GLB1: variants seen among roughly 807,000 people sequenced by gnomAD.
GLB1 encodes the protein beta-galactosidase.
A neutral mutation model predicts 74.0 loss-of-function variants in GLB1; 56 were observed. The ratio of observed to expected loss-of-function variants is 0.76; its 90% CI spans 0.61 to 0.94. GLB1 has a LOEUF of 0.94. Among genes scored for constraint, GLB1 ranks in the 40% least tolerant of loss-of-function variants. GLB1 has a pLI of 0.00. For synonymous variants in GLB1, 323 were observed against 323.6 expected (o/e 1.00, Z 0.02); for missense variants, 787 against 845.5 (o/e 0.93, Z 0.86).
intron 10 of GLB1, among the ~76,000 whole-genome samples, chr3:33,039,289 C>CA (rs35066652): frequency 0.015 from 1,355 of 93,024 alleles, 25 homozygotes; most frequent in African/African-American, 0.044. Flanking sequence ...GACTCTGTCT[C>CA]AAAAAAAAAA....
chr3:32,992,300 G>A (rs1005088266), downstream of GLB1, among the ~76,000 whole-genome samples: 2 of 152,206 alleles, frequency 1.3e-5, no homozygotes, highest in African/African-American at 2.4e-5. Context: ...CCTCAGCCAA[G>A]CACAGTGGCT....
Position 33,033,807 on chromosome 3 carries a change from G to C in GLB1, c.1069-9482C>G, listed in dbSNP as rs947894025. Reference sequence around the variant, plus strand: ...AAAAAAAAAAAAAAAAGGTGGTAAGGAATGGGGAGGCACCACCAGGAGCTG... The same window carrying C: ...AAAAAAAAAAAAAAAAGGTGGTAAGCAATGGGGAGGCACCACCAGGAGCTG... On this transcript the variant is annotated intron_variant, in intron 10 of 15. Transcript: ENST00000307363. The C allele has an allele frequency of 4.5e-4, 139 of 310,506 alleles. 1 individual carries two copies. Among genetic ancestry groups the C allele is most frequent in the Admixed American group, 8.3e-4 (19 of 22,970 alleles). 19.2% of individuals were successfully genotyped at this position (310,506 alleles called of 1,614,324 possible).
chr3:33,082,550 T>C (rs1700360733), intron 1 of GLB1, among the ~76,000 whole-genome samples: 2 of 152,198 alleles, frequency 1.3e-5, no homozygotes, highest in African/African-American at 2.4e-5. Flanking sequence ...TACATGATGG[T>C]GGCCACTTAA....
chr3:33,063,426 G>A (rs925816894), intron 5 of GLB1, among the ~76,000 whole-genome samples: 12 of 150,190 alleles, frequency 8.0e-5, no homozygotes, highest in Non-Finnish European at 1.5e-4. Flanking sequence ...GAGATGGGAA[G>A]GGGAGAGGAG....
rs576990249 is a variant in GLB1, at chr3:33,022,739, T to C, written c.1144-1084A>G. Among the ~76,000 whole-genome samples the C allele has an allele frequency of 1.1e-3, 163 of 151,850 alleles. 1 individual carries two copies. Among genetic ancestry groups the C allele is most frequent in the Non-Finnish European group, 2.0e-3 (139 of 67,900 alleles). On this transcript the variant is annotated intron_variant, in intron 11 of 15. Transcript: ENST00000307363. ...CATGCCTGGCTAATTTTTGTATTTT[T>C]AGTAGAGACGGGGTTTCACCATGTT... is the stretch of plus-strand genomic sequence containing the variant.
At chr3:32,970,892 A>C in the GLB1 span, among the ~76,000 whole-genome samples, 1 of 152,246 alleles carries the variant, frequency 6.6e-6, no homozygotes, top group East Asian at 1.9e-4. Context: ...AGAGAAAAAG[A>C]AAGAGAGCTT....
intron 10 of GLB1, chr3:33,030,435 C>T: frequency 1.1e-6 from 1 of 921,828 alleles, no homozygotes. Flanking sequence ...GACTATTTAA[C>T]AGTTGCTAAG....
chr3:33,009,651 T>G (rs1262568139), intron 15 of GLB1, among the ~76,000 whole-genome samples: 1 of 152,218 alleles, frequency 6.6e-6, no homozygotes, highest in Non-Finnish European at 1.5e-5. Context: ...TATATGCCTG[T>G]GCTGGGCCAT....
rs767436764 is a variant in GLB1 at position 32,997,251 on chromosome 3, T to TC, written c.1827dup (p.Thr610AspfsTer20). ...ACGGTGATGGTGTTTGGGGCCGAGG[T>TC]CATCAGGATGTGCTGGGGCACAAAC... is the stretch of plus-strand genomic sequence containing the variant. On this transcript the variant is annotated frameshift_variant, in exon 16 of 16. Transcript: ENST00000307363. LOFTEE classifies it low-confidence loss of function (END_TRUNC). The TC allele has an allele frequency of 6.2e-7, 1 of 1,614,056 alleles. No homozygotes were observed. The highest frequency in any genetic ancestry group is 1.1e-5 in the South Asian group (1 of 91,078).
At chr3:32,978,377 A>C in the GLB1 span, among the ~76,000 whole-genome samples, 1 of 94,062 alleles carries the variant, frequency 1.1e-5, no homozygotes, top group Admixed American at 1.3e-4. Flanking sequence ...AACAGCATCA[A>C]AATTAAAAAA....
At chr3:33,059,775 T>C (rs1699370009) in intron 5 of GLB1, among the ~76,000 whole-genome samples, 1 of 152,216 alleles carries the variant, frequency 6.6e-6, no homozygotes, top group Non-Finnish European at 1.5e-5. Flanking sequence ...ATACTGCGCA[T>C]TTACGTATGT....
At chr3:33,019,300 G>C (rs1697373575) in intron 12 of GLB1, among the ~76,000 whole-genome samples, 1 of 152,184 alleles carries the variant, frequency 6.6e-6, no homozygotes, top group South Asian at 2.1e-4. Context: ...CAAACAATCA[G>C]CCTCAGCAGT....
chr3:32,996,893 G>T lies in GLB1; in HGVS notation c.*152C>A. On this transcript the variant is annotated 3_prime_UTR_variant, in exon 16 of 16. Transcript: ENST00000307363. Reference sequence around the variant, plus strand: ...GGTGGTCCCTGAAGGTGGGGCTTTGGCACTGCAGGGATGCAGGGAAACCTC... The same window carrying T: ...GGTGGTCCCTGAAGGTGGGGCTTTGTCACTGCAGGGATGCAGGGAAACCTC... The T allele has an allele frequency of 7.0e-7, 1 of 1,424,004 alleles. No individual in the cohort carries two copies. The highest frequency in any genetic ancestry group is 9.6e-7 in the Non-Finnish European group (1 of 1,040,716). The allele number at this position is 1,424,004 out of a possible 1,614,324, so 88.2% of individuals were successfully genotyped here.
At chr3:32,999,117 G>A (rs954213198) in intron 15 of GLB1, among the ~76,000 whole-genome samples, 6 of 152,172 alleles carry the variant, frequency 3.9e-5, no homozygotes, top group African/African-American at 9.7e-5. Flanking sequence ...AAGGGGGTCC[G>A]TGATTAAAAA....
chr3:33,055,277 TG>T (rs1273762620), intron 6 of GLB1, among the ~76,000 whole-genome samples: 1 of 152,134 alleles, frequency 6.6e-6, no homozygotes, highest in Non-Finnish European at 1.5e-5. Context: ...ATACAAATTA[TG>T]CTTAAAACAC....
In GLB1 at chr3:33,014,055, C is replaced by T. The variant is rs1697135312; in HGVS notation, c.1734+1G>A. On this transcript the variant is annotated splice_donor_variant, in intron 15 of 15. Coordinates refer to ENST00000307363, the MANE Select transcript of GLB1 (RefSeq NM_000404.4). LOFTEE classifies it high-confidence loss of function. ...CAAACCCTTCCCATGAAGACACGTA[C>T]CTTGGTCCATCCAGGAAACTGGATA... 3 of 1,614,068 alleles carry T rather than the reference C, an allele frequency of 1.9e-6. No homozygotes were observed. Among genetic ancestry groups the T allele is most frequent in the Non-Finnish European group, 2.5e-6 (3 of 1,180,044 alleles).
At chr3:32,998,999 C>T (rs1696433657) in intron 15 of GLB1, among the ~76,000 whole-genome samples, 1 of 152,132 alleles carries the variant, frequency 6.6e-6, no homozygotes, top group South Asian at 2.1e-4. Context: ...TTTTTCATAC[C>T]AGTCATTGGG....
chr3:33,058,459 T>C (rs879806037), intron 5 of GLB1, among the ~76,000 whole-genome samples, 190 bp from the exon 6 acceptor site: 1 of 151,828 alleles, frequency 6.6e-6, no homozygotes, highest in Admixed American at 6.6e-5. Flanking sequence ...CCATAAAAGT[T>C]TACCTCCTAT....
chr3:33,064,231 G>C (rs566728275), intron 5 of GLB1, among the ~76,000 whole-genome samples: 2 of 150,912 alleles, frequency 1.3e-5, no homozygotes, highest in South Asian at 4.2e-4. Context: ...CTGAGGTCAG[G>C]AGTTTGAGAC....
Sources: gnomAD v4.1 joint callset for allele counts (sites outside exome capture counted in the v4.1 genomes callset) on GRCh38, gnomAD v4.1.1 for gene constraint, MANE v1.5 for transcripts, NCBI Gene and HGNC (gene_info 2026-07-23, HGNC 2026-07-21) for gene names.